The following CDH18 variants were observed in gnomAD, a reference collection of about 807,000 sequenced individuals.
The protein encoded by CDH18 is cadherin 18.
CDH18 carries 31 observed loss-of-function variants against 67.9 expected under a neutral mutation model. The ratio of observed to expected loss-of-function variants is 0.46; its 90% CI spans 0.34 to 0.62. The LOEUF is 0.62. Ranked by LOEUF, CDH18 falls within the 20% of genes least tolerant of loss-of-function variation. The probability of loss-of-function intolerance (pLI) is 0.01; values close to 1 mark genes in which losing one functional copy is unlikely to be tolerated. For missense variants in CDH18, 890 were observed against 975.5 expected (o/e 0.91, Z 1.17); for synonymous variants, 362 against 347.2 (o/e 1.04, Z -0.48).
intron 1 of CDH18, among the ~76,000 whole-genome samples, chr5:20,531,674 T>A (rs1424619953): frequency 6.6e-6 from 1 of 151,082 alleles, no homozygotes; most frequent in Non-Finnish European, 1.5e-5. Context: ...CACTTATAAA[T>A]GGAAGCTGAA....
chr5:19,905,282 G>A lies in CDH18; in HGVS notation c.-256-66040C>T, dbSNP rs192905851. Among the ~76,000 whole-genome samples the A allele has an allele frequency of 1.5e-4, 23 of 152,146 alleles. No individual in the cohort carries two copies. The East Asian group carries it at 3.3e-3, about 22-fold the overall frequency. ...AGGTAGAATCTTGCAGGTTGGTTTT[G>A]TATCCTAACCACATTCATCATGCAG... On this transcript the variant is annotated intron_variant, in intron 2 of 12. Coordinates refer to ENST00000382275, the MANE Select transcript of CDH18 (RefSeq NM_004934.5).
chr5:20,442,289 T>C (rs966882058), intron 1 of CDH18, among the ~76,000 whole-genome samples: 2 of 151,932 alleles, frequency 1.3e-5, no homozygotes, highest in African/African-American at 4.9e-5. Context: ...ATTTTTGCTA[T>C]GGAATTAAAC....
intron 5 of CDH18, among the ~76,000 whole-genome samples, chr5:19,625,071 A>C (rs570456132): frequency 1.3e-5 from 2 of 152,156 alleles, no homozygotes; most frequent in East Asian, 3.9e-4. Context: ...TAAATCATAC[A>C]TAATAATACC....
intron 2 of CDH18, among the ~76,000 whole-genome samples, chr5:19,951,787 C>A (rs1020389724): frequency 3.3e-5 from 5 of 152,000 alleles, no homozygotes; most frequent in Non-Finnish European, 7.4e-5. Flanking sequence ...TGTTTGTTAT[C>A]ATTATTCTAT....
intron 1 of CDH18, among the ~76,000 whole-genome samples, chr5:20,340,397 C>T (rs12518784): frequency 0.045 from 6,921 of 152,180 alleles, 260 homozygotes; most frequent in South Asian, 0.15. Flanking sequence ...GGCAGAGGCT[C>T]TAGTGGCTAC....
Position 20,180,189 on chromosome 5 carries a change from T to C in CDH18, c.-518+75255A>G, listed in dbSNP as rs184262153. The stretch of plus-strand genomic sequence containing the variant: ...CCTATTCCAGAAAAGCAGATGTTCA[T>C]AGCTCTGGGAATGGAATGCCACCCT... On this transcript the variant is annotated intron_variant, in intron 2 of 14. Coordinates refer to the CDH18 transcript ENST00000507958. Among the ~76,000 whole-genome samples the C allele has an allele frequency of 1.3e-3, 205 of 152,156 alleles. 1 individual carries two copies. The highest frequency in any genetic ancestry group is 1.9e-3 in the Non-Finnish European group (130 of 67,992).
At position 20,238,917 on chromosome 5, in the gene CDH18, A is replaced by C. The variant is rs138183482; in HGVS notation, c.-518+16527T>G. 5.7e-3 allele frequency among the ~76,000 whole-genome samples: 866 copies of C among 152,290 alleles called. 9 individuals carry two copies. Among genetic ancestry groups the C allele is most frequent in the African/African-American group, 0.019 (810 of 41,574 alleles). On this transcript the variant is annotated intron_variant, in intron 2 of 14. Transcript: ENST00000507958. ...AGGCTAGTAATGCTTAGAGCTGTTT[A>C]TTTATCATGGGAAAAATCTGTAAGC...
intron 2 of CDH18, among the ~76,000 whole-genome samples, chr5:20,200,620 G>A (rs1739377372): frequency 6.6e-6 from 1 of 152,118 alleles, no homozygotes; most frequent in Non-Finnish European, 1.5e-5. Context: ...AGGCTGCAGT[G>A]AGCTGTGATT....
intron 12 of CDH18, among the ~76,000 whole-genome samples, chr5:19,477,915 T>G (rs1034717217): frequency 6.6e-6 from 1 of 152,078 alleles, no homozygotes; most frequent in East Asian, 1.9e-4. Context: ...GCTGTAGAAT[T>G]TTTTACATGT....
intron 1 of CDH18, among the ~76,000 whole-genome samples, chr5:20,283,835 A>G (rs1580664136): frequency 6.6e-6 from 1 of 152,246 alleles, no homozygotes; most frequent in East Asian, 1.9e-4. Context: ...ACAATTTCCA[A>G]GATTTGGAAG....
chr5:20,343,649 T>C (rs1740454516), intron 1 of CDH18, among the ~76,000 whole-genome samples: 1 of 152,132 alleles, frequency 6.6e-6, no homozygotes, highest in South Asian at 2.1e-4. Context: ...CCTCTCTCAC[T>C]GGACACAAGT....
chr5:19,702,293 T>C (rs1250462060), intron 5 of CDH18, among the ~76,000 whole-genome samples: 2 of 151,368 alleles, frequency 1.3e-5, no homozygotes, highest in South Asian at 2.1e-4. Flanking sequence ...GGACTACAGG[T>C]GCGTGCCACC....
chr5:19,915,988 G>T (rs1158438479), intron 2 of CDH18, among the ~76,000 whole-genome samples: 1 of 152,062 alleles, frequency 6.6e-6, no homozygotes, highest in African/African-American at 2.4e-5. Context: ...ACTTATTCAT[G>T]TCAAATCCTT....
chr5:20,033,729 C>T (rs74559555), intron 2 of CDH18, among the ~76,000 whole-genome samples: 1,735 of 152,064 alleles, frequency 0.011, 18 homozygotes, highest in Non-Finnish European at 0.017. Flanking sequence ...TGCATAAGCA[C>T]TTTTAGTACA....
chr5:20,363,355 C>T (rs180850612), intron 1 of CDH18, among the ~76,000 whole-genome samples: 2 of 151,636 alleles, frequency 1.3e-5, no homozygotes, highest in Admixed American at 6.6e-5. Context: ...TGTGGTGGCA[C>T]GTGCCTGTAA....
intron 1 of CDH18, among the ~76,000 whole-genome samples, chr5:20,357,149 T>C (rs1299790548): frequency 6.6e-6 from 1 of 151,916 alleles, no homozygotes; most frequent in African/African-American, 2.4e-5. Flanking sequence ...AATACATACA[T>C]TTATATAAAA....
intron 2 of CDH18, among the ~76,000 whole-genome samples, chr5:20,020,970 G>A (rs1257582941): frequency 1.3e-5 from 2 of 151,872 alleles, no homozygotes; most frequent in East Asian, 1.9e-4. Flanking sequence ...CAAGGGACTT[G>A]AGCCTTGCAG....
chr5:19,600,795 A>C (rs2150065129), intron 6 of CDH18, among the ~76,000 whole-genome samples: 1 of 152,164 alleles, frequency 6.6e-6, no homozygotes, highest in East Asian at 1.9e-4. Context: ...TCCTTTTCTT[A>C]TCTGGAAAAA....
intron 8 of CDH18, among the ~76,000 whole-genome samples, chr5:19,557,534 C>A (rs550039042): frequency 1.3e-5 from 2 of 151,926 alleles, no homozygotes; most frequent in South Asian, 4.2e-4. Flanking sequence ...TTAAAAAAGA[C>A]AGAGGGACTT....
Sources: gnomAD v4.1 joint callset for allele counts (sites outside exome capture counted in the v4.1 genomes callset) on GRCh38, gnomAD v4.1.1 for gene constraint, MANE v1.5 for transcripts, NCBI Gene and HGNC (gene_info 2026-07-23, HGNC 2026-07-21) for gene names.